MALL: variants seen among roughly 807,000 people sequenced by gnomAD.
MALL encodes mal, T cell differentiation protein like.
Under a neutral mutation model 10.3 loss-of-function variants are expected in MALL, and 2 were observed. That is an observed-to-expected ratio of 0.19 (90% CI 0.08 to 0.61). The LOEUF (loss-of-function observed/expected upper bound fraction) is 0.61. MALL is among the 20% of genes least tolerant of loss of function. MALL has a pLI of 0.88. For missense variants in MALL, 39 were observed against 115.2 expected (o/e 0.34, Z 3.03); for synonymous variants, 27 against 51.8 (o/e 0.52, Z 2.05).
chr2:110,097,508 G>A, intron 1 of MALL: 1 of 456,724 alleles, frequency 2.2e-6, no homozygotes, highest in Non-Finnish European at 4.4e-6. Flanking sequence ...CCTGCACAGA[G>A]CAGCTGGAAG....
In MALL at chr2:110,115,700, G is replaced by GAAGA; in HGVS notation, c.89_92dup (p.Glu34AlafsTer54). 1.6e-6 allele frequency: 2 copies of GAAGA among 1,286,866 alleles called. No homozygotes were observed. Among genetic ancestry groups the GAAGA allele is most frequent in the Non-Finnish European group, 2.0e-6 (2 of 1,009,882 alleles). 79.7% of individuals were successfully genotyped at this position (1,286,866 alleles called of 1,614,324 possible). On this transcript the variant is annotated frameshift_variant, in exon 1 of 4. Coordinates refer to ENST00000272462, the MANE Select transcript of MALL (RefSeq NM_005434.5). LOFTEE classifies it high-confidence loss of function. ...GTGCCGCACTCACCAGCTCGGGCAGGAAGAAGGCGAAAGGGATGGTGAGGA... is the reference window on the plus strand; with the variant it reads ...GTGCCGCACTCACCAGCTCGGGCAGGAAGAAAGAAGGCGAAAGGGATGGTGAGGA...
At position 110,115,678 on chromosome 2, in the gene MALL, C is replaced by A; in HGVS notation, c.105+10G>T. The stretch of plus-strand genomic sequence containing the variant: ...CTGCAGGTGGCCCGGGTCGGGGGTG[C>A]CGCACTCACCAGCTCGGGCAGGAAG... On this transcript the variant is annotated intron_variant, in intron 1 of 3. Transcript: ENST00000272462. 7.9e-7 allele frequency: 1 copy of A among 1,267,324 alleles called. No individual in the cohort carries two copies. The highest frequency in any genetic ancestry group is 3.7e-5 in the South Asian group (1 of 26,876). 78.5% of individuals were successfully genotyped at this position (1,267,324 alleles called of 1,614,324 possible). A position where few individuals can be genotyped will look rare whatever the true frequency, so the allele number is the denominator to read the frequency against.
chr2:110,111,459 C>T (rs947871522), intron 1 of MALL, among the ~76,000 whole-genome samples: 1 of 151,936 alleles, frequency 6.6e-6, no homozygotes, highest in Non-Finnish European at 1.5e-5. Context: ...AAGAGCTCAA[C>T]CCCTTTCATG....
rs569585138 is a variant in MALL, at chr2:110,097,243, A to C, written c.106-5473T>G. Reference sequence around the variant, plus strand: ...TGTGCGAGTGTCTGTGTATATGTGCATTTGTTGTGGGTGAACAGAATACTT... The same window carrying C: ...TGTGCGAGTGTCTGTGTATATGTGCCTTTGTTGTGGGTGAACAGAATACTT... On this transcript the variant is annotated intron_variant, in intron 1 of 3. Transcript: ENST00000272462. 5.3e-5 allele frequency among the ~76,000 whole-genome samples: 8 copies of C among 152,200 alleles called. No individual in the cohort carries two copies. In the East Asian group the frequency reaches 1.5e-3, roughly 29 times the overall value.
rs548810236 is a variant in MALL at position 110,108,027 on chromosome 2, G to A, written c.105+7661C>T. Among the ~76,000 whole-genome samples, 39 of 152,232 alleles carry A rather than the reference G, an allele frequency of 2.6e-4. No individual in the cohort carries two copies. The South Asian group carries it at 8.1e-3, about 32-fold the overall frequency. ...CAGGGGAACACCCTGTAGGACAAAA[G>A]AATCTGAACAGCCTTCAGCCCTAGA... On this transcript the variant is annotated intron_variant, in intron 1 of 3. Coordinates refer to ENST00000272462, the MANE Select transcript of MALL (RefSeq NM_005434.5).
intron 1 of MALL, among the ~76,000 whole-genome samples, chr2:110,114,287 C>T (rs1391461574): frequency 6.6e-6 from 1 of 152,074 alleles, no homozygotes; most frequent in Non-Finnish European, 1.5e-5. Context: ...TTGCTGAGGC[C>T]ACCATCCACT....
At chr2:110,116,258 G>C (rs72826880), upstream of MALL, 4,769 of 155,334 alleles carry the variant, frequency 0.031, 135 homozygotes, top group Non-Finnish European at 0.044. Flanking sequence ...TCCAAGTGAG[G>C]AGACTGAGAA....
intron 1 of MALL, among the ~76,000 whole-genome samples, chr2:110,109,521 G>T (rs1009793947): frequency 6.6e-6 from 1 of 152,088 alleles, no homozygotes; most frequent in Non-Finnish European, 1.5e-5. Flanking sequence ...AAACATACAT[G>T]CTGCTAACAC....
intron 1 of MALL, among the ~76,000 whole-genome samples, chr2:110,099,544 T>C (rs1170020267): frequency 6.6e-6 from 1 of 152,186 alleles, no homozygotes; most frequent in Non-Finnish European, 1.5e-5. Context: ...CAAATGATGC[T>C]GCAGCGAATA....
At chr2:110,107,335 T>C (rs1240481288) in intron 1 of MALL, among the ~76,000 whole-genome samples, 1 of 150,870 alleles carries the variant, frequency 6.6e-6, no homozygotes, top group African/African-American at 2.5e-5. Flanking sequence ...AGAAACAGAC[T>C]TGGGGCTGCT....
chr2:110,117,856 C>T (rs959595027), upstream of MALL, among the ~76,000 whole-genome samples: 1 of 152,078 alleles, frequency 6.6e-6, no homozygotes, highest in Non-Finnish European at 1.5e-5. Context: ...AGATTTTCTA[C>T]ACTCTCTCTG....
chr2:110,109,259 C>T (rs1256414823), intron 1 of MALL, among the ~76,000 whole-genome samples: 1 of 151,984 alleles, frequency 6.6e-6, no homozygotes, highest in Non-Finnish European at 1.5e-5. Flanking sequence ...AGACACAAAA[C>T]CACAGAATGG....
At chr2:110,115,032 G>T (rs912452916) in intron 1 of MALL, among the ~76,000 whole-genome samples, 1 of 152,078 alleles carries the variant, frequency 6.6e-6, no homozygotes, top group African/African-American at 2.4e-5. Context: ...GCGCCCCAGA[G>T]AGTAACACAG....
At chr2:110,115,651 C>A in intron 1 of MALL, 37 bp downstream of exon 1, 3 of 1,176,540 alleles carry the variant, frequency 2.5e-6, no homozygotes, top group Non-Finnish European at 2.2e-6. Flanking sequence ...CCCCCTCCCT[C>A]TCTGCAGGTG....
intron 1 of MALL, among the ~76,000 whole-genome samples, chr2:110,104,619 G>A (rs746113769): frequency 3.3e-5 from 5 of 152,102 alleles, no homozygotes; most frequent in Non-Finnish European, 4.4e-5. Flanking sequence ...AAGAAAATGC[G>A]TCACCCATCA....
intron 1 of MALL, among the ~76,000 whole-genome samples, chr2:110,096,045 G>A (rs914884914): frequency 1.3e-5 from 2 of 152,156 alleles, no homozygotes; most frequent in African/African-American, 2.4e-5. Flanking sequence ...AGAGAAGCCG[G>A]CAAAAAACGT....
At chr2:110,099,426 C>G (rs1346078790) in intron 1 of MALL, among the ~76,000 whole-genome samples, 1 of 152,110 alleles carries the variant, frequency 6.6e-6, no homozygotes, top group African/African-American at 2.4e-5. Flanking sequence ...TTATGAGGGT[C>G]CACTGTGTTT....
chr2:110,117,587 A>ATGTGTGTGTGTGTGTG (rs3840469), upstream of MALL, among the ~76,000 whole-genome samples: 6 of 105,488 alleles, frequency 5.7e-5, no homozygotes, highest in African/African-American at 2.4e-4. Context: ...GACCAAAGCA[A>ATGTGTGTGTGTGTGTG]TGTGTGTGTG....
chr2:110,102,801 C>T (rs939410534), intron 1 of MALL, among the ~76,000 whole-genome samples: 2 of 152,174 alleles, frequency 1.3e-5, no homozygotes, highest in Non-Finnish European at 2.9e-5. Flanking sequence ...TTCCCACCAC[C>T]CTGCCTCCTC....
Sources: gnomAD v4.1 joint callset for allele counts (sites outside exome capture counted in the v4.1 genomes callset) on GRCh38, gnomAD v4.1.1 for gene constraint, MANE v1.5 for transcripts, NCBI Gene and HGNC (gene_info 2026-07-23, HGNC 2026-07-21) for gene names.